The following NDRG4 variants were observed in gnomAD, a reference collection of about 807,000 sequenced individuals.
The protein encoded by NDRG4 is protein NDRG4.
In NDRG4, 38 loss-of-function variants were observed where a neutral mutation model predicts 55.8. The observed-to-expected ratio is 0.68, with a 90% confidence interval of 0.53 to 0.89. The LOEUF (loss-of-function observed/expected upper bound fraction) is 0.89, where lower values mean the gene tolerates loss of function less well. Ranked by LOEUF, NDRG4 falls within the 40% of genes least tolerant of loss-of-function variation. The pLI is 0.00. For missense variants in NDRG4, 455 were observed against 468.6 expected (o/e 0.97, Z 0.27); for synonymous variants, 190 against 182.7 (o/e 1.04, Z -0.32).
At chr16:58,468,176 A>G (rs1048928312) in intron 1 of NDRG4, among the ~76,000 whole-genome samples, 2 of 152,180 alleles carry the variant, frequency 1.3e-5, no homozygotes, top group African/African-American at 4.8e-5. Context: ...CAGATCCAGC[A>G]TGTCTTTTTG....
chr16:58,473,781 A>G (rs1352013814), intron 1 of NDRG4, among the ~76,000 whole-genome samples: 4 of 152,002 alleles, frequency 2.6e-5, no homozygotes, highest in Admixed American at 2.0e-4. Flanking sequence ...TTTCCACCCT[A>G]ACCCCCAGCT....
At chr16:58,480,282 G>A (rs985700991) in intron 1 of NDRG4, among the ~76,000 whole-genome samples, 4 of 152,134 alleles carry the variant, frequency 2.6e-5, no homozygotes, top group Admixed American at 6.5e-5. Context: ...CACCACGCCC[G>A]GCTAATTTTT....
chr16:58,481,042 CA>C (rs1396361566), intron 1 of NDRG4, among the ~76,000 whole-genome samples: 1 of 151,438 alleles, frequency 6.6e-6, no homozygotes, highest in African/African-American at 2.4e-5. Flanking sequence ...AGAGTCCACA[CA>C]TGAGCATATG....
chr16:58,500,228 C>T lies in NDRG4; in HGVS notation c.-21C>T. The T allele has an allele frequency of 3.3e-6, 5 of 1,536,110 alleles. No homozygotes were observed. The highest frequency in any genetic ancestry group is 3.5e-6 in the Non-Finnish European group (4 of 1,146,884). On this transcript the variant is annotated 5_prime_UTR_variant, in exon 1 of 15. Transcript: ENST00000570248. The stretch of plus-strand genomic sequence containing the variant: ...CTTTGTTTGTCCTTCCTGGTAGAGG[C>T]GGGTTCCCTCCCTCGGCAAGATGCC...
chr16:58,505,708 A>ATTT lies in NDRG4; in HGVS notation c.373-677_373-675dup, dbSNP rs869263659. Among the ~76,000 whole-genome samples the ATTT allele has an allele frequency of 6.1e-4, 43 of 70,618 alleles. 6 individuals are homozygous for ATTT. The highest frequency in any genetic ancestry group is 8.3e-4 in the South Asian group (2 of 2,408). The allele number at this position is 70,618 out of a possible 152,430, so 46.3% of individuals were successfully genotyped here. ...TCTTAATTTATATCATGAGGGCTTC[A>ATTT]TTTTCTTTTTTTTTTTTTTTTTTTT... On this transcript the variant is annotated intron_variant, in intron 5 of 14. Transcript: ENST00000570248.
Position 58,464,457 on chromosome 16 carries a change from G to A in NDRG4, c.-24+660G>A. 7.4e-7 allele frequency: 1 copy of A among 1,345,168 alleles called. No homozygotes were observed. The highest frequency in any genetic ancestry group is 9.5e-7 in the Non-Finnish European group (1 of 1,049,000). The allele number at this position is 1,345,168 out of a possible 1,614,324, so 83.3% of individuals were successfully genotyped here. On this transcript the variant is annotated intron_variant, in intron 1 of 15. Transcript: ENST00000258187. The surrounding 1 kb of genome is among the most constrained non-coding windows in gnomAD (Gnocchi z 4.8). ...TGAAGGTGCTGGGACACCGGCTGGAGCTGCTCACAGGTACCGCCCGCCTGC... is the reference window on the plus strand; with the variant it reads ...TGAAGGTGCTGGGACACCGGCTGGAACTGCTCACAGGTACCGCCCGCCTGC...
In NDRG4 at chr16:58,500,230, G is replaced by C. The variant is rs1052500090; in HGVS notation, c.-19G>C. The C allele has an allele frequency of 6.5e-7, 1 of 1,536,086 alleles. No individual in the cohort carries two copies. The highest frequency in any genetic ancestry group is 8.7e-7 in the Non-Finnish European group (1 of 1,146,878). ...TTGTTTGTCCTTCCTGGTAGAGGCG[G>C]GTTCCCTCCCTCGGCAAGATGCCGG... On this transcript the variant is annotated 5_prime_UTR_variant, in exon 1 of 15. Transcript: ENST00000570248.
At chr16:58,482,024 A>G (rs2151637779) in intron 1 of NDRG4, among the ~76,000 whole-genome samples, 1 of 151,312 alleles carries the variant, frequency 6.6e-6, no homozygotes, top group South Asian at 2.1e-4. Context: ...ACTGAGCACC[A>G]ACTCTGATCC....
rs1307678794 is a variant in NDRG4, at chr16:58,513,299, C to T, written c.*1723C>T. ...TTTCTTCTCCGCACAAAGTAAAGAG[C>T]CTAATTTTGTGTATTCTGGTGGCTG... On this transcript the variant is annotated 3_prime_UTR_variant, in exon 15 of 15. Transcript: ENST00000570248. 6.6e-6 allele frequency: 1 copy of T among 152,082 alleles called. No individual in the cohort carries two copies. The highest frequency in any genetic ancestry group is 2.1e-4 in the South Asian group (1 of 4,814). The allele number at this position is 152,082 out of a possible 1,614,324, so 9.4% of individuals were successfully genotyped here.
intron 2 of NDRG4, among the ~76,000 whole-genome samples, chr16:58,490,768 G>A (rs1395476592): frequency 2.0e-5 from 3 of 152,162 alleles, no homozygotes; most frequent in Non-Finnish European, 2.9e-5. Flanking sequence ...CCTGAGATCC[G>A]GAGTTCAAGA....
Position 58,506,979 on chromosome 16 carries a change from A to AG in NDRG4, c.586dup (p.Ala196GlyfsTer19). ...CAGCAGATTGGGAACGTGGTGAACC[A>AG]GGCCAACCTGCAGCTCTTCTGGAAC... On this transcript the variant is annotated frameshift_variant, in exon 8 of 15. Coordinates refer to ENST00000570248, the MANE Select transcript of NDRG4 (RefSeq NM_001242835.2). LOFTEE classifies it high-confidence loss of function. 1 of 1,614,076 alleles carries AG rather than the reference A, an allele frequency of 6.2e-7. No homozygotes were observed. Among genetic ancestry groups the AG allele is most frequent in the Non-Finnish European group, 8.5e-7 (1 of 1,179,994 alleles).
intron 1 of NDRG4, chr16:58,501,190 G>A (rs1009498741): frequency 1.8e-5 from 11 of 618,190 alleles, no homozygotes; most frequent in African/African-American, 3.8e-5. Context: ...CACCCCGCAC[G>A]CACGGAGGTG....
intron 1 of NDRG4, among the ~76,000 whole-genome samples, chr16:58,485,026 C>A (rs1310409352): frequency 1.3e-5 from 2 of 151,882 alleles, no homozygotes; most frequent in African/African-American, 4.8e-5. Context: ...GGACTACAGG[C>A]ACCCACCACC....
At chr16:58,472,424 A>G (rs2032996990) in intron 1 of NDRG4, 1 of 152,278 alleles carries the variant, frequency 6.6e-6, no homozygotes, top group African/African-American at 2.4e-5. Flanking sequence ...TGGTGTTGCC[A>G]TTCGAGTGTG....
chr16:58,502,331 G>C (rs1475024643), intron 1 of NDRG4, among the ~76,000 whole-genome samples: 1 of 152,104 alleles, frequency 6.6e-6, no homozygotes, highest in Non-Finnish European at 1.5e-5. Context: ...CTCAGCCCTG[G>C]TGTGGCCTCC....
rs77505458 is a variant in NDRG4, at chr16:58,465,386, C to T, written c.-24+1589C>T. Among the ~76,000 whole-genome samples, 1,399 of 152,096 alleles carry T rather than the reference C, an allele frequency of 9.2e-3. 7 individuals are homozygous for T. The highest frequency in any genetic ancestry group is 0.014 in the Non-Finnish European group (935 of 67,978). ...GCTCAGGAAACGGTGGAATCCGAGT[C>T]GGGGGCAGCTTTTGAAGACCTCGAA... is the stretch of plus-strand genomic sequence containing the variant. On this transcript the variant is annotated intron_variant, in intron 1 of 15. Coordinates refer to the NDRG4 transcript ENST00000258187.
chr16:58,468,275 G>C (rs1165974811), intron 1 of NDRG4, among the ~76,000 whole-genome samples: 1 of 152,304 alleles, frequency 6.6e-6, no homozygotes, highest in Non-Finnish European at 1.5e-5. Flanking sequence ...GCGCCTCAGC[G>C]GGGTCTTGCT....
chr16:58,473,355 G>T (rs2033139046), intron 1 of NDRG4, among the ~76,000 whole-genome samples: 1 of 152,012 alleles, frequency 6.6e-6, no homozygotes, highest in Non-Finnish European at 1.5e-5. Flanking sequence ...GTGGAGACAG[G>T]GTCTCACTAT....
intron 1 of NDRG4, among the ~76,000 whole-genome samples, chr16:58,502,997 A>G (rs966225696): frequency 2.0e-5 from 3 of 152,244 alleles, no homozygotes; most frequent in Non-Finnish European, 4.4e-5. Flanking sequence ...TGGCTTGTCT[A>G]GTTCCCGCAA....
Sources: gnomAD v4.1 joint callset for allele counts (sites outside exome capture counted in the v4.1 genomes callset) on GRCh38, gnomAD v4.1.1 for gene constraint, Gnocchi (gnomAD v3.1) non-coding constraint, MANE v1.5 for transcripts, NCBI Gene and HGNC (gene_info 2026-07-23, HGNC 2026-07-21) for gene names.